SLC10A7: variants seen among roughly 807,000 people sequenced by gnomAD.
SLC10A7 encodes solute carrier family 10 member 7.
A neutral mutation model predicts 43.2 loss-of-function variants in SLC10A7; 29 were observed. The observed-to-expected ratio is 0.67, with a 90% CI of 0.50 to 0.92. The LOEUF (loss-of-function observed/expected upper bound fraction) is 0.92. Among genes scored for constraint, SLC10A7 ranks in the 40% least tolerant of loss-of-function variants. The pLI, the probability that SLC10A7 is intolerant of heterozygous loss-of-function variation, is 0.00. For synonymous variants in SLC10A7, 152 were observed against 144.8 expected (o/e 1.05, Z -0.35); for missense variants, 295 against 403.2 (o/e 0.73, Z 2.30).
intron 4 of SLC10A7, among the ~76,000 whole-genome samples, chr4:146,491,410 AT>A (rs1735402502): frequency 1.3e-5 from 2 of 152,202 alleles, no homozygotes; most frequent in Admixed American, 1.3e-4. Context: ...AATGGCAAAT[AT>A]CCATTAAAGT....
intron 5 of SLC10A7, among the ~76,000 whole-genome samples, chr4:146,414,236 T>C (rs1728408029): frequency 6.6e-6 from 1 of 152,064 alleles, no homozygotes; most frequent in African/African-American, 2.4e-5. Flanking sequence ...CGAAAGGAGA[T>C]GTCTAGATAA....
intron 10 of SLC10A7, 67 bp downstream of exon 10, chr4:146,283,125 A>C: frequency 8.0e-7 from 1 of 1,248,040 alleles, no homozygotes. Flanking sequence ...AGTTCTTTGA[A>C]TATCAAAGTC....
Position 146,376,370 on chromosome 4 carries a change from C to T in SLC10A7, c.436-50374G>A, listed in dbSNP as rs537069929. On this transcript the variant is annotated intron_variant, in intron 5 of 11. Transcript: ENST00000335472. ...CCACCCTCAAGCCTGGAAACTGCAA[C>T]CCTAAATGAGAATAGTTGCCCCTGT... Among the ~76,000 whole-genome samples, 13 of 152,234 alleles carry T rather than the reference C, an allele frequency of 8.5e-5. No individual in the cohort carries two copies. The South Asian group carries it at 2.7e-3, about 32-fold the overall frequency.
chr4:146,390,730 G>A (rs936723259), intron 5 of SLC10A7, among the ~76,000 whole-genome samples: 5 of 152,090 alleles, frequency 3.3e-5, no homozygotes, highest in African/African-American at 9.7e-5. Flanking sequence ...AGGAAAACAC[G>A]AGCAATTTTC....
intron 4 of SLC10A7, among the ~76,000 whole-genome samples, chr4:146,454,948 A>C (rs1731925042): frequency 2.0e-5 from 3 of 151,864 alleles, no homozygotes; most frequent in Admixed American, 2.0e-4. Flanking sequence ...GTAAATCTCT[A>C]AGATTAAGCT....
In SLC10A7 at chr4:146,371,005, C is replaced by T. The variant is rs147070479; in HGVS notation, c.436-45009G>A. 3.1e-3 allele frequency among the ~76,000 whole-genome samples: 475 copies of T among 152,266 alleles called. 9 individuals are homozygous for T. Among genetic ancestry groups the T allele is most frequent in the Admixed American group, 0.03 (461 of 15,286 alleles). ...CCCCAGATCTGGTTTATGGAAGAAC[C>T]TCAGAATTGAGTCATCAAACACTTT... On this transcript the variant is annotated intron_variant, in intron 5 of 11. Coordinates refer to ENST00000335472, the MANE Select transcript of SLC10A7 (RefSeq NM_001029998.6).
chr4:146,455,323 T>C (rs570383596), intron 4 of SLC10A7, among the ~76,000 whole-genome samples: 1 of 151,966 alleles, frequency 6.6e-6, no homozygotes, highest in East Asian at 1.9e-4. Flanking sequence ...GATCAATTAA[T>C]GGAAGCTCTA....
At chr4:146,414,113 A>G (rs983420250) in intron 5 of SLC10A7, among the ~76,000 whole-genome samples, 1 of 152,162 alleles carries the variant, frequency 6.6e-6, no homozygotes, top group Non-Finnish European at 1.5e-5. Context: ...AGAACCCAGA[A>G]CACGGGCTAG....
chr4:146,256,976 C>T, intron 11 of SLC10A7: 2 of 1,377,946 alleles, frequency 1.5e-6, no homozygotes, highest in Non-Finnish European at 2.0e-6. Context: ...ACAATTTAGT[C>T]TCCCTTTTGG....
chr4:146,379,779 T>C (rs2248348), intron 5 of SLC10A7, among the ~76,000 whole-genome samples: 1,600 of 152,312 alleles, frequency 0.011, 23 homozygotes, highest in African/African-American at 0.036. Context: ...TATTTCTAGA[T>C]CATCCCACTA....
At chr4:146,409,334 C>CAAA (rs377385983) in intron 5 of SLC10A7, among the ~76,000 whole-genome samples, 1 of 136,452 alleles carries the variant, frequency 7.3e-6, no homozygotes, top group African/African-American at 2.7e-5. Context: ...TATGGCACAT[C>CAAA]AAAAAAAAAA....
In SLC10A7 at chr4:146,306,010, C is replaced by G. The variant is rs1731545051; in HGVS notation, c.472-1G>C. The stretch of plus-strand genomic sequence containing the variant: ...AAGGCACAGAAGAAGATGAACCAAG[C>G]TGTAAAACAAGAAAATAGGAGTTAG... On this transcript the variant is annotated splice_acceptor_variant, in intron 6 of 11. Transcript: ENST00000335472. LOFTEE classifies it high-confidence loss of function. 1 of 1,598,346 alleles carries G rather than the reference C, an allele frequency of 6.3e-7. No individual in the cohort carries two copies. The highest frequency in any genetic ancestry group is 8.5e-7 in the Non-Finnish European group (1 of 1,174,204).
At position 146,255,291 on chromosome 4, in the gene SLC10A7, C is replaced by T. The variant is rs890186786; in HGVS notation, c.*1200G>A. 1 of 152,652 alleles carries T rather than the reference C, an allele frequency of 6.6e-6. No individual in the cohort carries two copies. Among genetic ancestry groups the T allele is most frequent in the East Asian group, 1.9e-4 (1 of 5,204 alleles). The allele number at this position is 152,652 out of a possible 1,614,324, so 9.5% of individuals were successfully genotyped here. A position where few individuals can be genotyped will look rare whatever the true frequency, so the allele number is the denominator to read the frequency against. ...CAAATATTGGACACTCATTTGAAAG[C>T]TGCTGCCCCGTTGGGAACTAATTTT... is the stretch of plus-strand genomic sequence containing the variant. On this transcript the variant is annotated 3_prime_UTR_variant, in exon 12 of 12. Transcript: ENST00000335472.
intron 5 of SLC10A7, among the ~76,000 whole-genome samples, chr4:146,378,873 T>A (rs1298753776): frequency 6.6e-6 from 1 of 151,630 alleles, no homozygotes; most frequent in East Asian, 1.9e-4. Context: ...ATGGGAAGGC[T>A]GATGATAGAA....
At chr4:146,343,617 T>A (rs543382596) in intron 5 of SLC10A7, among the ~76,000 whole-genome samples, 12 of 152,184 alleles carry the variant, frequency 7.9e-5, no homozygotes, top group Non-Finnish European at 1.5e-4. Flanking sequence ...TACTCGTCCA[T>A]GATGAGCTAC....
chr4:146,314,864 G>T (rs1249348497), intron 6 of SLC10A7, among the ~76,000 whole-genome samples: 1 of 152,102 alleles, frequency 6.6e-6, no homozygotes, highest in East Asian at 1.9e-4. Context: ...TTGATGGTCT[G>T]CAGAATTTGG....
chr4:146,423,811 A>G (rs1729126702), intron 5 of SLC10A7, among the ~76,000 whole-genome samples: 1 of 152,220 alleles, frequency 6.6e-6, no homozygotes, highest in Non-Finnish European at 1.5e-5. Flanking sequence ...TGAAATGATG[A>G]CAATAACAAA....
intron 9 of SLC10A7, among the ~76,000 whole-genome samples, chr4:146,289,462 ACT>A (rs1730254212): frequency 6.6e-6 from 1 of 151,952 alleles, no homozygotes; most frequent in East Asian, 1.9e-4. Context: ...AAACTTTTTA[ACT>A]TTTTATATAT....
At chr4:146,330,365 A>G (rs529848978) in intron 5 of SLC10A7, among the ~76,000 whole-genome samples, 6 of 152,338 alleles carry the variant, frequency 3.9e-5, no homozygotes, top group Admixed American at 3.3e-4. Flanking sequence ...TGCAACAACT[A>G]CAAAGATCAC....
Sources: allele counts gnomAD v4.1 joint callset (sites outside exome capture counted in the v4.1 genomes callset), GRCh38; gene constraint gnomAD v4.1.1; transcripts MANE v1.5; gene names NCBI Gene and HGNC (gene_info 2026-07-23, HGNC 2026-07-21).